The following RGS7 variants were observed in gnomAD, a reference collection of about 807,000 sequenced individuals.
RGS7 encodes the protein regulator of G-protein signaling 7.
Under a neutral mutation model 81.1 loss-of-function variants are expected in RGS7, and 27 were observed. The observed-to-expected ratio is 0.33, with a 90% CI of 0.25 to 0.46. The LOEUF is 0.46. Ranked by LOEUF, RGS7 falls within the 20% of genes least tolerant of loss-of-function variation. RGS7 has a pLI of 1.00. For missense variants in RGS7, 396 were observed against 607.4 expected (o/e 0.65, Z 3.66); for synonymous variants, 208 against 207.7 (o/e 1.00, Z -0.01).
chr1:240,818,099 A>G (rs1018422802), intron 10 of RGS7, among the ~76,000 whole-genome samples: 8 of 152,116 alleles, frequency 5.3e-5, no homozygotes, highest in African/African-American at 1.9e-4. Context: ...AATGCCAAAC[A>G]AGAGGCAGGA....
At chr1:241,239,257 G>A (rs1382502419) in intron 2 of RGS7, among the ~76,000 whole-genome samples, 6 of 151,800 alleles carry the variant, frequency 4.0e-5, no homozygotes, top group Non-Finnish European at 7.4e-5. Flanking sequence ...GTGAGCCACC[G>A]CGCCCGGCCA....
At chr1:241,196,651 A>C (rs758180112) in intron 2 of RGS7, among the ~76,000 whole-genome samples, 1 of 152,088 alleles carries the variant, frequency 6.6e-6, no homozygotes, top group Non-Finnish European at 1.5e-5. Flanking sequence ...GAAAGGAATG[A>C]AGAGTAACTA....
intron 2 of RGS7, among the ~76,000 whole-genome samples, chr1:241,121,710 CTTTTTT>C (rs10681773): frequency 6.0e-5 from 4 of 66,404 alleles, no homozygotes; most frequent in Admixed American, 2.2e-4. Flanking sequence ...TGCAATTGTT[CTTTTTT>C]TTTTTTTTTT....
At chr1:240,944,225 T>C (rs915526239) in intron 4 of RGS7, among the ~76,000 whole-genome samples, 1 of 146,642 alleles carries the variant, frequency 6.8e-6, no homozygotes, top group Non-Finnish European at 1.5e-5. Context: ...GGTAGTTCCA[T>C]CAGCCAATCC....
At chr1:241,179,115 G>A (rs962988487) in intron 2 of RGS7, among the ~76,000 whole-genome samples, 2 of 152,166 alleles carry the variant, frequency 1.3e-5, no homozygotes, top group Non-Finnish European at 2.9e-5. Flanking sequence ...TTTGTTTTGA[G>A]ACAGAGTCTC....
intron 2 of RGS7, among the ~76,000 whole-genome samples, chr1:241,296,207 A>C (rs2148476872): frequency 6.6e-6 from 1 of 151,926 alleles, no homozygotes; most frequent in Middle Eastern, 3.4e-3. Context: ...GAAGGGATGC[A>C]CATAAGACAG....
At chr1:241,149,685 G>T (rs934879249) in intron 2 of RGS7, among the ~76,000 whole-genome samples, 2 of 152,190 alleles carry the variant, frequency 1.3e-5, no homozygotes, top group African/African-American at 4.8e-5. Context: ...AGCAATAAAT[G>T]TTTTTGGGAG....
At chr1:241,091,657 A>T (rs2502427) in intron 3 of RGS7, among the ~76,000 whole-genome samples, 1 of 151,904 alleles carries the variant, frequency 6.6e-6, no homozygotes, top group Non-Finnish European at 1.5e-5. Context: ...AGGAAGAGAC[A>T]TGAGGATCTC....
At chr1:241,122,669 GAAAAA>G (rs200013731) in intron 2 of RGS7, among the ~76,000 whole-genome samples, 1 of 79,542 alleles carries the variant, frequency 1.3e-5, no homozygotes, top group African/African-American at 4.8e-5. Flanking sequence ...ATCACAAAAA[GAAAAA>G]AAAAAAAAAA....
At chr1:241,025,402 T>A (rs1436035597) in intron 3 of RGS7, among the ~76,000 whole-genome samples, 4 of 152,230 alleles carry the variant, frequency 2.6e-5, no homozygotes, top group African/African-American at 9.6e-5. Context: ...GATATTATCA[T>A]TATCTCTGGT....
chr1:240,838,998 C>G (rs1695164573), intron 9 of RGS7, among the ~76,000 whole-genome samples: 1 of 152,166 alleles, frequency 6.6e-6, no homozygotes, highest in African/African-American at 2.4e-5. Context: ...ATCTCCTGAC[C>G]TCGTGATCCG....
At chr1:241,104,655 C>T (rs115102773) in intron 2 of RGS7, among the ~76,000 whole-genome samples, 6,517 of 152,142 alleles carry the variant, frequency 0.043, 229 homozygotes, top group African/African-American at 0.089. Context: ...ATTCACTATG[C>T]GTGATAAAAG....
chr1:241,083,050 C>T (rs897929199), intron 3 of RGS7, among the ~76,000 whole-genome samples: 4 of 151,738 alleles, frequency 2.6e-5, no homozygotes, highest in African/African-American at 9.7e-5. Flanking sequence ...CATGGTGAAA[C>T]CCTGTCTCTA....
chr1:241,152,715 C>T (rs935927838), intron 2 of RGS7, among the ~76,000 whole-genome samples: 2 of 152,212 alleles, frequency 1.3e-5, no homozygotes, highest in African/African-American at 4.8e-5. Context: ...AGACCTGCCG[C>T]TTCTGCCGAG....
chr1:240,795,215 C>T (rs1021084899), intron 18 of RGS7, among the ~76,000 whole-genome samples: 1 of 151,428 alleles, frequency 6.6e-6, no homozygotes, highest in African/African-American at 2.4e-5. Context: ...AAACCCACCA[C>T]CACCAACAAA....
intron 2 of RGS7, among the ~76,000 whole-genome samples, chr1:241,327,020 A>G (rs1392826797): frequency 0.098 from 47 of 482 alleles, no homozygotes; most frequent in Non-Finnish European, 0.21. Context: ...GGAAGGAAGG[A>G]AGGAAGGAAG....
chr1:240,823,599 G>T (rs1692223197), intron 10 of RGS7, among the ~76,000 whole-genome samples: 1 of 152,216 alleles, frequency 6.6e-6, no homozygotes, highest in Non-Finnish European at 1.5e-5. Flanking sequence ...GCGACAAGAC[G>T]ACACGCCGCG....
intron 18 of RGS7, among the ~76,000 whole-genome samples, chr1:240,799,004 T>A (rs1331795834): frequency 6.6e-6 from 1 of 152,254 alleles, no homozygotes; most frequent in South Asian, 2.1e-4. Flanking sequence ...ATTTTATTGA[T>A]CCTATAAAGG....
intron 2 of RGS7, among the ~76,000 whole-genome samples, chr1:241,320,945 T>C (rs1187865637): frequency 1.3e-5 from 2 of 152,178 alleles, no homozygotes; most frequent in Non-Finnish European, 2.9e-5. Context: ...ATCATCAATG[T>C]AAATACCCAA....
Sources: allele counts gnomAD v4.1 joint callset (sites outside exome capture counted in the v4.1 genomes callset), GRCh38; gene constraint gnomAD v4.1.1; transcripts MANE v1.5; gene names NCBI Gene and HGNC (gene_info 2026-07-23, HGNC 2026-07-21).